Variants in EYA2 observed in about 807,000 individuals in gnomAD.
EYA2 encodes EYA transcriptional coactivator and phosphatase 2.
Under a neutral mutation model 69.2 loss-of-function variants are expected in EYA2, and 31 were observed. The ratio of observed to expected loss-of-function variants is 0.45; its 90% CI spans 0.34 to 0.60. EYA2 has a LOEUF of 0.60. Ranked by LOEUF, EYA2 falls within the 20% of genes least tolerant of loss-of-function variation. The pLI is 0.02. For synonymous variants in EYA2, 257 were observed against 279.4 expected (o/e 0.92, Z 0.80); for missense variants, 622 against 701.2 (o/e 0.89, Z 1.28).
At chr20:47,126,972 T>C (rs1046959493) in intron 9 of EYA2, among the ~76,000 whole-genome samples, 7 of 152,222 alleles carry the variant, frequency 4.6e-5, no homozygotes, top group African/African-American at 1.7e-4. Context: ...TTCATTCTTA[T>C]ATAATTACTC....
chr20:46,950,723 C>T (rs1353330466), intron 1 of EYA2, among the ~76,000 whole-genome samples: 4 of 152,184 alleles, frequency 2.6e-5, no homozygotes, highest in East Asian at 1.9e-4. Flanking sequence ...TTAGCAGAGG[C>T]CCCAGCGAGC....
intron 9 of EYA2, among the ~76,000 whole-genome samples, chr20:47,098,873 G>A (rs769295579): frequency 6.6e-6 from 1 of 152,208 alleles, no homozygotes; most frequent in Non-Finnish European, 1.5e-5. Flanking sequence ...TTCATGAGTA[G>A]CCTCCTGCCC....
At chr20:46,910,200 T>C (rs1984573100) in intron 1 of EYA2, among the ~76,000 whole-genome samples, 1 of 152,120 alleles carries the variant, frequency 6.6e-6, no homozygotes, top group African/African-American at 2.4e-5. Context: ...TCTGCTCAGC[T>C]TCTGGGGAGG....
At position 47,039,835 on chromosome 20, in the gene EYA2, CTTT is replaced by C. The variant is rs10689930; in HGVS notation, c.415+23559_415+23561del. Among the ~76,000 whole-genome samples, 15 of 69,804 alleles carry C rather than the reference CTTT, an allele frequency of 2.1e-4. 1 individual carries two copies. In the South Asian group the frequency reaches 5.7e-3, roughly 26 times the overall value. The allele number at this position is 69,804 out of a possible 152,430, so 45.8% of individuals were successfully genotyped here. ...ATAGGGTCATTGTGAAGATCAAATA[CTTT>C]TTTTTTTTTTTTTTTTTTTTGAGAT... is the stretch of plus-strand genomic sequence containing the variant. On this transcript the variant is annotated intron_variant, in intron 5 of 15. Coordinates refer to ENST00000327619, the MANE Select transcript of EYA2 (RefSeq NM_005244.5).
chr20:46,903,087 A>G lies in EYA2; in HGVS notation c.-11+8100A>G, dbSNP rs576571789. On this transcript the variant is annotated intron_variant, in intron 1 of 15. Coordinates refer to ENST00000327619, the MANE Select transcript of EYA2 (RefSeq NM_005244.5). ...TACAAGTGACTTCATTCCTTCATCC[A>G]TTTACTTAACAACACTTATTTAGCT... Among the ~76,000 whole-genome samples, 5 of 152,282 alleles carry G rather than the reference A, an allele frequency of 3.3e-5. No individual in the cohort carries two copies. In the South Asian group the frequency reaches 6.2e-4, roughly 19 times the overall value.
chr20:47,152,719 G>A (rs1442789762), intron 10 of EYA2, among the ~76,000 whole-genome samples: 6 of 151,390 alleles, frequency 4.0e-5, no homozygotes, highest in African/African-American at 1.2e-4. Context: ...GCTGAGGCAC[G>A]AGAATCACTC....
At chr20:47,123,728 C>T (rs1347641536) in intron 9 of EYA2, among the ~76,000 whole-genome samples, 3 of 152,152 alleles carry the variant, frequency 2.0e-5, no homozygotes, top group Non-Finnish European at 2.9e-5. Context: ...CGGTGGCTCA[C>T]GCCTGTAATC....
intron 14 of EYA2, among the ~76,000 whole-genome samples, chr20:47,181,967 AT>A (rs1787370007): frequency 6.6e-6 from 1 of 152,002 alleles, no homozygotes; most frequent in South Asian, 2.1e-4. Flanking sequence ...TAATATTTTT[AT>A]TTTTAATTGT....
At chr20:47,150,950 A>G (rs955984248) in intron 10 of EYA2, among the ~76,000 whole-genome samples, 2 of 151,988 alleles carry the variant, frequency 1.3e-5, no homozygotes, top group Non-Finnish European at 2.9e-5. Context: ...AAAAACTGCT[A>G]CTAATAAAGG....
intron 9 of EYA2, among the ~76,000 whole-genome samples, chr20:47,112,862 C>CTTTT (rs11473217): frequency 5.4e-5 from 3 of 55,836 alleles, no homozygotes; most frequent in African/African-American, 1.1e-4. Flanking sequence ...ATGTTCACTC[C>CTTTT]TTTTTTTTTT....
Position 47,072,200 on chromosome 20 carries a change from A to G in EYA2, c.431A>G (p.Tyr144Cys), listed in dbSNP as rs763832870. ...CTTCCCACAGGCACAACAGGGTTCTATCAAGGAGGAAATGGACTGGGCAAC... is the reference window on the plus strand; with the variant it reads ...CTTCCCACAGGCACAACAGGGTTCTGTCAAGGAGGAAATGGACTGGGCAAC... ...TYQMHGTTGF[Y>C]QGGNGLGNAA... Residue 144 changes from tyrosine (Y) to cysteine (C), a missense_variant, in exon 6 of 16, where the codon TAT becomes TGT. Transcript: ENST00000327619. 4.3e-6 allele frequency: 7 copies of G among 1,613,100 alleles called. No individual in the cohort carries two copies. The Admixed American group carries it at 5.0e-5, about 12-fold the overall frequency.
At chr20:46,940,356 A>C (rs1986101655) in intron 1 of EYA2, among the ~76,000 whole-genome samples, 1 of 152,192 alleles carries the variant, frequency 6.6e-6, no homozygotes, top group Non-Finnish European at 1.5e-5. Flanking sequence ...TTTGCAGACA[A>C]GGACACAGAA....
chr20:46,968,802 C>T (rs1362817445), intron 1 of EYA2, among the ~76,000 whole-genome samples: 1 of 152,178 alleles, frequency 6.6e-6, no homozygotes, highest in African/African-American at 2.4e-5. Flanking sequence ...ACCGACCCCA[C>T]TAAGAACCTC....
intron 8 of EYA2, among the ~76,000 whole-genome samples, chr20:47,090,282 C>G (rs2146506990): frequency 6.6e-6 from 1 of 151,290 alleles, no homozygotes; most frequent in South Asian, 2.1e-4. Flanking sequence ...CCCCATCACC[C>G]AGGCTGGAGT....
chr20:47,167,280 CTTT>C (rs11470455), intron 10 of EYA2, among the ~76,000 whole-genome samples: 1 of 111,722 alleles, frequency 9.0e-6, no homozygotes, highest in Non-Finnish European at 1.7e-5. Flanking sequence ...GGTTTTTTTA[CTTT>C]TTTTTTTTTT....
At chr20:46,984,630 G>T (rs1399070832) in intron 1 of EYA2, among the ~76,000 whole-genome samples, 3 of 152,108 alleles carry the variant, frequency 2.0e-5, no homozygotes, top group Non-Finnish European at 2.9e-5. Context: ...ATGTACTTCT[G>T]GTGGAATCTA....
chr20:47,105,507 C>A (rs971662818), intron 9 of EYA2, among the ~76,000 whole-genome samples: 54 of 152,088 alleles, frequency 3.6e-4, no homozygotes, highest in Non-Finnish European at 1.6e-4. Context: ...CACCTGTAAT[C>A]CCAGCTACTC....
Position 46,990,061 on chromosome 20 carries a change from G to A in EYA2, c.51G>A (p.Leu17=), listed in dbSNP as rs781171266. Residue 17 remains leucine, a synonymous_variant, in exon 2 of 16, where the codon CTG becomes CTA. Coordinates refer to ENST00000327619, the MANE Select transcript of EYA2 (RefSeq NM_005244.5). The stretch of plus-strand genomic sequence containing the variant: ...GCCTCACTGTAAACAGCGATTGTCT[G>A]GATAAACTGAAGTTTAACCGTGCTG... ...SPSLTVNSDC[L]DKLKFNRADA... The A allele has an allele frequency of 6.2e-7, 1 of 1,612,988 alleles. No individual in the cohort carries two copies. Among genetic ancestry groups the A allele is most frequent in the Non-Finnish European group, 8.5e-7 (1 of 1,178,996 alleles).
In EYA2 at chr20:47,089,392, G is replaced by C. The variant is rs781719847; in HGVS notation, c.804+11G>C. On this transcript the variant is annotated intron_variant, in intron 8 of 15. Coordinates refer to ENST00000327619, the MANE Select transcript of EYA2 (RefSeq NM_005244.5). ...GACAATGAGATTGAGGTAATCCAAA[G>C]GGGCTCTGTGTGACCTGGTGAATGT... 1.6e-5 allele frequency: 25 copies of C among 1,608,106 alleles called. No homozygotes were observed. Among genetic ancestry groups the C allele is most frequent in the Non-Finnish European group, 2.1e-5 (25 of 1,177,012 alleles).
Sources: gnomAD v4.1 joint callset for allele counts (sites outside exome capture counted in the v4.1 genomes callset) on GRCh38, gnomAD v4.1.1 for gene constraint, MANE v1.5 for transcripts, NCBI Gene and HGNC (gene_info 2026-07-23, HGNC 2026-07-21) for gene names.